TTLL5: variants seen among roughly 807,000 people sequenced by gnomAD.
The protein encoded by TTLL5 is tubulin polyglutamylase TTLL5.
Under a neutral mutation model 168.4 loss-of-function variants are expected in TTLL5, and 132 were observed. That is an observed-to-expected ratio of 0.78 (90% CI 0.68 to 0.91). The LOEUF (loss-of-function observed/expected upper bound fraction) is 0.91. TTLL5 is among the 40% of genes least tolerant of loss of function. The probability of loss-of-function intolerance (pLI) is 0.00; values close to 1 mark genes in which losing one functional copy is unlikely to be tolerated. For synonymous variants in TTLL5, 546 were observed against 558.6 expected (o/e 0.98, Z 0.32); for missense variants, 1,545 against 1,581.5 (o/e 0.98, Z 0.39).
intron 27 of TTLL5, among the ~76,000 whole-genome samples, chr14:75,816,529 G>C (rs1400080727): frequency 1.3e-5 from 2 of 152,142 alleles, no homozygotes; most frequent in Non-Finnish European, 2.9e-5. Context: ...CCAAAGGATA[G>C]GTTTACTAAA....
chr14:75,948,849 A>G (rs2034861889), intron 31 of TTLL5, among the ~76,000 whole-genome samples: 1 of 152,186 alleles, frequency 6.6e-6, no homozygotes, highest in Non-Finnish European at 1.5e-5. Flanking sequence ...TGGGATGAGT[A>G]CAATTTTAAT....
intron 30 of TTLL5, among the ~76,000 whole-genome samples, chr14:75,891,104 A>G (rs1277918425): frequency 6.6e-6 from 1 of 152,166 alleles, no homozygotes; most frequent in Non-Finnish European, 1.5e-5. Flanking sequence ...CTTCTGCAAT[A>G]TGACCTCTCT....
At chr14:75,850,526 T>G (rs545162515) in intron 28 of TTLL5, among the ~76,000 whole-genome samples, 7 of 151,886 alleles carry the variant, frequency 4.6e-5, no homozygotes, top group African/African-American at 1.7e-4. Flanking sequence ...CCAGTGTTTA[T>G]CAATGAATTT....
chr14:75,692,508 T>C (rs1392920494), intron 6 of TTLL5, among the ~76,000 whole-genome samples: 3 of 152,156 alleles, frequency 2.0e-5, no homozygotes, highest in African/African-American at 7.2e-5. Context: ...GGAAATTTTT[T>C]TGGAAGGAAA....
chr14:75,819,809 T>G (rs536036949), intron 27 of TTLL5, among the ~76,000 whole-genome samples, 198 bp from the exon 28 acceptor site: 29 of 152,294 alleles, frequency 1.9e-4, no homozygotes, highest in African/African-American at 6.7e-4. Flanking sequence ...GCTTGTTAAC[T>G]TACACTGACA....
At position 75,954,720 on chromosome 14, in the gene TTLL5, GTATCTT is replaced by G; in HGVS notation, c.*276_*281del. On this transcript the variant is annotated 3_prime_UTR_variant, in exon 32 of 32. Coordinates refer to ENST00000298832, the MANE Select transcript of TTLL5 (RefSeq NM_015072.5). ...TTATATACCCCGTCAGAGCACACTTGTATCTTTTACCTTCCCTTTGCCCCATGCCCC... is the reference window on the plus strand; with the variant it reads ...TTATATACCCCGTCAGAGCACACTTGTTACCTTCCCTTTGCCCCATGCCCC... 1 of 499,386 alleles carries G rather than the reference GTATCTT, an allele frequency of 2.0e-6. No homozygotes were observed. Among genetic ancestry groups the G allele is most frequent in the South Asian group, 3.4e-5 (1 of 29,796 alleles). 30.9% of individuals were successfully genotyped at this position (499,386 alleles called of 1,614,324 possible). A position where few individuals can be genotyped will look rare whatever the true frequency, so the allele number is the denominator to read the frequency against.
chr14:75,761,999 G>A (rs537380348), intron 18 of TTLL5, among the ~76,000 whole-genome samples: 22 of 152,234 alleles, frequency 1.4e-4, no homozygotes, highest in African/African-American at 1.9e-4. Flanking sequence ...TATACGTGAC[G>A]AAACAAAATA....
intron 2 of TTLL5, among the ~76,000 whole-genome samples, chr14:75,666,961 A>C (rs1203317603): frequency 6.6e-6 from 1 of 152,206 alleles, no homozygotes; most frequent in Non-Finnish European, 1.5e-5. Flanking sequence ...TGTGAATGAG[A>C]ATATAAAGTC....
intron 31 of TTLL5, among the ~76,000 whole-genome samples, chr14:75,934,368 A>C (rs925041495): frequency 2.0e-4 from 31 of 152,196 alleles, no homozygotes; most frequent in African/African-American, 7.2e-4. Context: ...CAGATTGGCA[A>C]CTTTTACGTG....
Position 75,764,109 on chromosome 14 carries a change from G to A in TTLL5, c.1551-506G>A, listed in dbSNP as rs372288457. ...CTCAGTCAACTCGGTGCTCCCTCAC[G>A]TATTCACAGATCATCAGCCTTTGTT... On this transcript the variant is annotated intron_variant, in intron 18 of 31. Transcript: ENST00000298832. 6.6e-5 allele frequency among the ~76,000 whole-genome samples: 10 copies of A among 152,110 alleles called. No homozygotes were observed. In the East Asian group the frequency reaches 1.2e-3, roughly 18 times the overall value.
intron 20 of TTLL5, among the ~76,000 whole-genome samples, chr14:75,767,816 C>G (rs557898775): frequency 1.3e-5 from 2 of 152,208 alleles, no homozygotes; most frequent in East Asian, 3.9e-4. Context: ...TGTCCAGAGC[C>G]AGGAAGATGA....
intron 18 of TTLL5, among the ~76,000 whole-genome samples, chr14:75,763,251 C>CTGTGTG (rs1308717196): frequency 2.9e-5 from 1 of 33,926 alleles, no homozygotes; most frequent in African/African-American, 5.9e-5. Context: ...CTATAGCTCT[C>CTGTGTG]TCTCTGTGTG....
chr14:75,793,483 A>C (rs1483281948), intron 27 of TTLL5, among the ~76,000 whole-genome samples: 1 of 152,220 alleles, frequency 6.6e-6, no homozygotes, highest in Non-Finnish European at 1.5e-5. Context: ...CCCTTTAAAA[A>C]AATTTTTTTC....
chr14:75,830,183 T>C (rs1895481026), intron 28 of TTLL5, among the ~76,000 whole-genome samples: 1 of 152,142 alleles, frequency 6.6e-6, no homozygotes, highest in African/African-American at 2.4e-5. Context: ...TTAAAACAAA[T>C]TTTTTCAAGA....
intron 3 of TTLL5, among the ~76,000 whole-genome samples, chr14:75,674,913 A>T (rs1884020316): frequency 6.6e-6 from 1 of 152,070 alleles, no homozygotes. Flanking sequence ...ACATTTACTC[A>T]ATATAAAAAA....
intron 30 of TTLL5, among the ~76,000 whole-genome samples, chr14:75,891,949 T>C (rs2032423507): frequency 6.6e-6 from 1 of 152,254 alleles, no homozygotes; most frequent in Non-Finnish European, 1.5e-5. Flanking sequence ...CAATGTCTGC[T>C]GGTCAGCGTA....
At chr14:75,947,406 T>A (rs1260452271) in intron 31 of TTLL5, among the ~76,000 whole-genome samples, 8 of 151,978 alleles carry the variant, frequency 5.3e-5, no homozygotes, top group African/African-American at 1.5e-4. Context: ...ATAAAGAGGG[T>A]CACTACATTA....
intron 19 of TTLL5, among the ~76,000 whole-genome samples, chr14:75,765,398 T>C (rs1393006370): frequency 2.0e-5 from 3 of 152,210 alleles, no homozygotes; most frequent in Non-Finnish European, 4.4e-5. Context: ...CTGTTCTTTA[T>C]ACCTCCGTGA....
intron 29 of TTLL5, among the ~76,000 whole-genome samples, chr14:75,880,460 C>T (rs2031747369): frequency 6.6e-6 from 1 of 152,180 alleles, no homozygotes; most frequent in African/African-American, 2.4e-5. Flanking sequence ...TTATCCCCTC[C>T]TCTACTACTC....
Sources: allele counts gnomAD v4.1 joint callset (sites outside exome capture counted in the v4.1 genomes callset), GRCh38; gene constraint gnomAD v4.1.1; transcripts MANE v1.5; gene names NCBI Gene and HGNC (gene_info 2026-07-23, HGNC 2026-07-21).